The following FANCA variants were observed in gnomAD, a reference collection of about 807,000 sequenced individuals.
FANCA encodes Fanconi anemia group A protein.
A neutral mutation model predicts 194.3 loss-of-function variants in FANCA; 236 were observed. The observed-to-expected ratio is 1.21, with a 90% CI of 1.09 to 1.35. The LOEUF (loss-of-function observed/expected upper bound fraction) is 1.35, where lower values mean the gene tolerates loss of function less well. FANCA is among the 40% of genes most tolerant of loss of function. The pLI, the probability that FANCA is intolerant of heterozygous loss-of-function variation, is 0.00. For synonymous variants in FANCA, 1,014 were observed against 715.8 expected (o/e 1.42, Z -6.65); for missense variants, 2,628 against 1,813.9 (o/e 1.45, Z -8.15).
intron 2 of FANCA, among the ~76,000 whole-genome samples, chr16:89,815,034 G>C (rs1009907027): frequency 2.0e-5 from 3 of 152,080 alleles, no homozygotes; most frequent in African/African-American, 7.2e-5. Flanking sequence ...TCCCTACTGG[G>C]CTATTTTCCT....
In FANCA at chr16:89,792,118, G is replaced by A. The variant is rs367688059; in HGVS notation, c.1084-50C>T. 341 of 1,610,158 alleles carry A rather than the reference G, an allele frequency of 2.1e-4. 1 individual carries two copies. The highest frequency in any genetic ancestry group is 2.7e-4 in the Non-Finnish European group (321 of 1,176,792). On this transcript the variant is annotated intron_variant, in intron 12 of 42. Coordinates refer to ENST00000389301, the MANE Select transcript of FANCA (RefSeq NM_000135.4). ...TCAATATCCAAGCAAACCAATGTGC[G>A]ACAGATGACCCCTCACCTTCCTCCC...
At position 89,742,854 on chromosome 16, in the gene FANCA, G is replaced by T. The variant is rs776879032; in HGVS notation, c.3711C>A (p.Val1237=). The T allele has an allele frequency of 6.2e-7, 1 of 1,614,130 alleles. No homozygotes were observed. Among genetic ancestry groups the T allele is most frequent in the Non-Finnish European group, 8.5e-7 (1 of 1,180,022 alleles). ...GCTGCTTCCTGATGTTTTCTTCCCT[G>T]ACTTGTTGAATCGCAAAGTGCAGTG... ...AAALHFAIQQ[V]REENIRKQLK... Residue 1237 remains valine, a synonymous_variant, in exon 37 of 43, where the codon GTC becomes GTA. Transcript: ENST00000389301.
chr16:89,793,897 C>T (rs1182609595), intron 11 of FANCA, among the ~76,000 whole-genome samples: 1 of 152,022 alleles, frequency 6.6e-6, no homozygotes, highest in East Asian at 1.9e-4. Flanking sequence ...ACTACAGGCG[C>T]CCACCACCAC....
intron 10 of FANCA, chr16:89,798,249 C>T: frequency 1.3e-6 from 1 of 790,092 alleles, no homozygotes. Context: ...GCACCCTGAC[C>T]TCCAACTTCC....
rs3069458 is a variant in FANCA, at chr16:89,776,159, CTTTT to C, written c.1827-348_1827-345del. On this transcript the variant is annotated intron_variant, in intron 20 of 42. Transcript: ENST00000389301. ...ATTCAAAACACGAATCTTTGTTTTT[CTTTT>C]TTTTTTTTTTTTTTTTTTTTTTGAG... Among the ~76,000 whole-genome samples, 671 of 93,284 alleles carry C rather than the reference CTTTT, an allele frequency of 7.2e-3. 5 individuals are homozygous for C. The highest frequency in any genetic ancestry group is 0.023 in the African/African-American group (614 of 26,716). 61.2% of individuals were successfully genotyped at this position (93,284 alleles called of 152,430 possible). A position where few individuals can be genotyped will look rare whatever the true frequency, so the allele number is the denominator to read the frequency against.
chr16:89,768,433 A>G (rs1280428333), intron 26 of FANCA, among the ~76,000 whole-genome samples: 1 of 152,164 alleles, frequency 6.6e-6, no homozygotes, highest in Non-Finnish European at 1.5e-5. Flanking sequence ...AAGTGGGCAG[A>G]TCACTTGAGG....
chr16:89,764,267 G>A (rs1025187781), intron 28 of FANCA, among the ~76,000 whole-genome samples: 1 of 152,122 alleles, frequency 6.6e-6, no homozygotes, highest in South Asian at 2.1e-4. Flanking sequence ...AGTTCGTGTT[G>A]GGAGAAACTG....
intron 20 of FANCA, 118 bp from the exon 21 acceptor site, chr16:89,775,933 T>A: frequency 1.7e-6 from 1 of 604,216 alleles, no homozygotes; most frequent in East Asian, 3.6e-5. Flanking sequence ...TTATAAATAC[T>A]GTGTACAGTA....
intron 20 of FANCA, among the ~76,000 whole-genome samples, chr16:89,777,576 A>AG (rs1257758661): frequency 6.6e-6 from 1 of 151,788 alleles, no homozygotes; most frequent in African/African-American, 2.4e-5. Flanking sequence ...ATACAAAAAA[A>AG]GAAAAAAAAA....
At chr16:89,772,996 C>T (rs990970902) in intron 22 of FANCA, among the ~76,000 whole-genome samples, 3 of 152,132 alleles carry the variant, frequency 2.0e-5, no homozygotes, top group Non-Finnish European at 4.4e-5. Context: ...ATCCTAGTCA[C>T]GCGTTTTCTT....
rs762536802 is a variant in FANCA, at chr16:89,795,896, C to T, written c.1006+10G>A. The stretch of plus-strand genomic sequence containing the variant: ...GGGTAGCAACTGAGCAGCCTCCACA[C>T]TGGGCCTACCTTTCAGCACAGGGCT... On this transcript the variant is annotated intron_variant, in intron 11 of 42. Transcript: ENST00000389301. The T allele has an allele frequency of 1.4e-5, 22 of 1,605,412 alleles. No individual in the cohort carries two copies. In the East Asian group the frequency reaches 2.0e-4, roughly 15 times the overall value.
At chr16:89,770,921 G>A (rs2039302121) in intron 23 of FANCA, among the ~76,000 whole-genome samples, 1 of 152,040 alleles carries the variant, frequency 6.6e-6, no homozygotes, top group Non-Finnish European at 1.5e-5. Flanking sequence ...TTAGGTTTTG[G>A]GGCCAGAAAC....
In FANCA at chr16:89,748,910, T is replaced by C. The variant is rs547072766; in HGVS notation, c.3240-143A>G. 302 of 727,012 alleles carry C rather than the reference T, an allele frequency of 4.2e-4. 3 individuals are homozygous for C. The East Asian group carries it at 7.9e-3, about 19-fold the overall frequency. 45.0% of individuals were successfully genotyped at this position (727,012 alleles called of 1,614,324 possible). On this transcript the variant is annotated intron_variant, in intron 32 of 42. Transcript: ENST00000389301. ...CAGAGCCTTGGCCTGTGTCCCTCTG[T>C]CCCATCCAAAGCCTGCACTCTGAGC... is the stretch of plus-strand genomic sequence containing the variant.
At chr16:89,790,752 A>G (rs914648739) in intron 14 of FANCA, among the ~76,000 whole-genome samples, 3 of 151,210 alleles carry the variant, frequency 2.0e-5, no homozygotes, top group African/African-American at 7.3e-5. Context: ...AAAAAAAAAA[A>G]GGGAAAATAA....
intron 14 of FANCA, among the ~76,000 whole-genome samples, chr16:89,788,966 TCTCC>T (rs2039981662): frequency 6.6e-6 from 1 of 151,866 alleles, no homozygotes; most frequent in Non-Finnish European, 1.5e-5. Context: ...AGAGTATTCC[TCTCC>T]CAACTGTCGC....
In FANCA at chr16:89,745,215, T is replaced by G. The variant is rs929285927; in HGVS notation, c.3514-144A>C. 9.2e-6 allele frequency: 7 copies of G among 762,288 alleles called. No individual in the cohort carries two copies. The African/African-American group carries it at 1.2e-4, about 13-fold the overall frequency. The allele number at this position is 762,288 out of a possible 1,614,324, so 47.2% of individuals were successfully genotyped here. A position where few individuals can be genotyped will look rare whatever the true frequency, so the allele number is the denominator to read the frequency against. ...CGCTCTGGAACTCCAAAGCCAGTAT[T>G]TTTTACGTCAATTAAGGCTCAAAGC... is the stretch of plus-strand genomic sequence containing the variant. On this transcript the variant is annotated intron_variant, in intron 35 of 42. Coordinates refer to ENST00000389301, the MANE Select transcript of FANCA (RefSeq NM_000135.4).
At chr16:89,788,243 A>G (rs1276924548) in intron 14 of FANCA, among the ~76,000 whole-genome samples, 1 of 151,852 alleles carries the variant, frequency 6.6e-6, no homozygotes, top group Non-Finnish European at 1.5e-5. Context: ...GGGGCGGATG[A>G]CAAACTCAAG....
chr16:89,787,066 C>G (rs1040291981), intron 14 of FANCA, among the ~76,000 whole-genome samples: 1 of 152,228 alleles, frequency 6.6e-6, no homozygotes. Flanking sequence ...CAAGCCAGAC[C>G]TGGGGTCACA....
Position 89,740,846 on chromosome 16 carries a change from GAAGAA to G in FANCA, c.3781_3785del (p.Phe1261LeufsTer15). On this transcript the variant is annotated frameshift_variant, in exon 38 of 43. Coordinates refer to ENST00000389301, the MANE Select transcript of FANCA (RefSeq NM_000135.4). LOFTEE classifies it high-confidence loss of function. ...ACGACAGCAGGCCCATCAAGGAGAAGAAGAAAAGGAAAACCAATAGCTGTAAATAA... is the reference window on the plus strand; with the variant it reads ...ACGACAGCAGGCCCATCAAGGAGAAGAAGGAAAACCAATAGCTGTAAATAA... 6.2e-7 allele frequency: 1 copy of G among 1,613,420 alleles called. No individual in the cohort carries two copies. Among genetic ancestry groups the G allele is most frequent in the Non-Finnish European group, 8.5e-7 (1 of 1,179,612 alleles).
Sources: gnomAD v4.1 joint callset for allele counts (sites outside exome capture counted in the v4.1 genomes callset) on GRCh38, gnomAD v4.1.1 for gene constraint, MANE v1.5 for transcripts, NCBI Gene and HGNC (gene_info 2026-07-23, HGNC 2026-07-21) for gene names.